The following FAM3C variants were observed in gnomAD, a reference collection of about 807,000 sequenced individuals.
FAM3C encodes protein FAM3C.
A neutral mutation model predicts 32.5 loss-of-function variants in FAM3C; 15 were observed. That is an observed-to-expected ratio of 0.46 (90% CI 0.31 to 0.71). The LOEUF is 0.71. FAM3C is among the 30% of genes least tolerant of loss of function. The pLI, the probability that FAM3C is intolerant of heterozygous loss-of-function variation, is 0.05. For synonymous variants in FAM3C, 75 were observed against 86.1 expected (o/e 0.87, Z 0.72); for missense variants, 175 against 274.4 (o/e 0.64, Z 2.56).
At chr7:121,358,067 T>A (rs1299118170) in intron 8 of FAM3C, among the ~76,000 whole-genome samples, 1 of 152,130 alleles carries the variant, frequency 6.6e-6, no homozygotes, top group South Asian at 2.1e-4. Flanking sequence ...CCTAATTACA[T>A]CCTGTTTCAT....
At chr7:121,377,366 G>T (rs1430926345) in intron 3 of FAM3C, among the ~76,000 whole-genome samples, 3 of 152,052 alleles carry the variant, frequency 2.0e-5, no homozygotes, top group Non-Finnish European at 2.9e-5. Context: ...ATTAAGCCTT[G>T]GGGATTTTTC....
chr7:121,350,861 T>C (rs937853367), intron 9 of FAM3C, among the ~76,000 whole-genome samples: 2 of 152,166 alleles, frequency 1.3e-5, no homozygotes, highest in Non-Finnish European at 2.9e-5. Flanking sequence ...AAAGCTCAAT[T>C]AAAATCCTTA....
chr7:121,386,774 T>TA (rs200013838), intron 1 of FAM3C, among the ~76,000 whole-genome samples: 1,554 of 151,724 alleles, frequency 0.01, 20 homozygotes, highest in Admixed American at 0.017. Flanking sequence ...GAACAGAATG[T>TA]AAAAAATTAA....
At chr7:121,361,203 T>C (rs1186434167) in intron 7 of FAM3C, among the ~76,000 whole-genome samples, 3 of 152,228 alleles carry the variant, frequency 2.0e-5, no homozygotes, top group Admixed American at 6.5e-5. Context: ...CTTGACATCT[T>C]GAACTCTTTA....
chr7:121,374,886 A>G (rs758204591), intron 3 of FAM3C, among the ~76,000 whole-genome samples: 3 of 152,226 alleles, frequency 2.0e-5, no homozygotes. Flanking sequence ...TACCAGTGAT[A>G]TTCCAACTAA....
chr7:121,350,701 C>CA, intron 9 of FAM3C, 151 bp from the exon 10 acceptor site: 1 of 769,574 alleles, frequency 1.3e-6, no homozygotes, highest in Admixed American at 2.7e-5. Context: ...GAGTGACCCT[C>CA]AGGCTGTATC....
chr7:121,350,996 A>C (rs902130189), intron 9 of FAM3C, 147 bp downstream of exon 9: 2 of 804,146 alleles, frequency 2.5e-6, no homozygotes, highest in Admixed American at 5.8e-5. Context: ...AGTTATTTCA[A>C]ATAACTGATT....
chr7:121,387,413 C>A (rs956501061), intron 1 of FAM3C, among the ~76,000 whole-genome samples: 1 of 152,136 alleles, frequency 6.6e-6, no homozygotes, highest in Non-Finnish European at 1.5e-5. Flanking sequence ...ATGGCTTTGA[C>A]AGGTCCTCTT....
At chr7:121,360,776 G>A (rs1268320107) in intron 7 of FAM3C, among the ~76,000 whole-genome samples, 4 of 152,012 alleles carry the variant, frequency 2.6e-5, no homozygotes, top group African/African-American at 7.2e-5. Flanking sequence ...TGGAGGTTGC[G>A]GTGAGCTGAG....
At chr7:121,351,365 G>T in intron 8 of FAM3C, 96 bp from the exon 9 acceptor site, 1 of 1,141,942 alleles carries the variant, frequency 8.8e-7, no homozygotes, top group Non-Finnish European at 1.2e-6. Context: ...GAGACAAAAT[G>T]AGACTTTAAA....
At chr7:121,390,851 G>GGT (rs1794560422) in intron 1 of FAM3C, among the ~76,000 whole-genome samples, 1 of 31,240 alleles carries the variant, frequency 3.2e-5, no homozygotes, top group African/African-American at 7.8e-5. Context: ...GGCTGTGTGG[G>GGT]GCGGGGGGGG....
intron 1 of FAM3C, among the ~76,000 whole-genome samples, chr7:121,386,752 A>C (rs1054879044): frequency 6.6e-6 from 1 of 151,788 alleles, no homozygotes; most frequent in African/African-American, 2.4e-5. Context: ...AGACTAATAC[A>C]GACCCCCTCA....
chr7:121,371,268 C>T (rs779625286), intron 5 of FAM3C, 32 bp downstream of exon 5: 5 of 1,608,412 alleles, frequency 3.1e-6, no homozygotes, highest in Middle Eastern at 4.4e-4. Context: ...TTTAATAGCA[C>T]ACCTTATCGT....
rs147098612 is a variant in FAM3C at position 121,383,577 on chromosome 7, T to C, written c.-41-567A>G. ...CGATTTAAGTTTGTAAAATAATATG[T>C]TAAGAAGTACAGAACTGCAATTTTA... On this transcript the variant is annotated intron_variant, in intron 1 of 9. Coordinates refer to ENST00000359943, the MANE Select transcript of FAM3C (RefSeq NM_014888.3). 1.7e-3 allele frequency among the ~76,000 whole-genome samples: 265 copies of C among 152,314 alleles called. 2 individuals carry two copies. In the East Asian group the frequency reaches 0.027, roughly 16 times the overall value.
rs1793642218 is a variant in FAM3C, at chr7:121,348,917, T to C, written c.*1544A>G. The C allele has an allele frequency of 1.3e-5, 2 of 152,292 alleles. No homozygotes were observed. The highest frequency in any genetic ancestry group is 6.6e-5 in the Admixed American group (1 of 15,254). The allele number at this position is 152,292 out of a possible 1,614,324, so 9.4% of individuals were successfully genotyped here. On this transcript the variant is annotated 3_prime_UTR_variant, in exon 10 of 10. Coordinates refer to ENST00000359943, the MANE Select transcript of FAM3C (RefSeq NM_014888.3). ...AAAAACTGCAACATTTATTTCACAA[T>C]CCCTGGAACTGTAAAATAACTATTC...
At chr7:121,375,876 T>C (rs1225738923) in intron 3 of FAM3C, among the ~76,000 whole-genome samples, 1 of 152,224 alleles carries the variant, frequency 6.6e-6, no homozygotes, top group Non-Finnish European at 1.5e-5. Flanking sequence ...TCACTGAACT[T>C]TCATCCAAGG....
rs748046331 is a variant in FAM3C, at chr7:121,371,301, C to T, written c.271G>A (p.Val91Ile). The T allele has an allele frequency of 3.7e-6, 6 of 1,612,650 alleles. No homozygotes were observed. Among genetic ancestry groups the T allele is most frequent in the East Asian group, 2.2e-5 (1 of 44,884 alleles). Residue 91 changes from valine to isoleucine, a missense_variant and splice_region_variant, in exon 5 of 10, where the codon GTT becomes ATT. Transcript: ENST00000359943. ...CGTCTCAAGTCAACAAAGACTTACA[C>T]ATTATCTTCCAGGCAGATTTTGGGT... ...VGPKICLEDN[V>I]LMSGVKNNVG... is the part of the protein sequence containing the mutation.
intron 2 of FAM3C, among the ~76,000 whole-genome samples, chr7:121,379,242 T>A (rs530849269): frequency 6.6e-6 from 1 of 152,296 alleles, no homozygotes; most frequent in African/African-American, 2.4e-5. Flanking sequence ...AAAGGACTGC[T>A]TGAACCATCT....
In FAM3C at chr7:121,390,854, G is replaced by T. The variant is rs554765786; in HGVS notation, c.-42+5308C>A. Among the ~76,000 whole-genome samples the T allele has an allele frequency of 2.0e-3, 31 of 15,770 alleles. 3 individuals carry two copies. Among genetic ancestry groups the T allele is most frequent in the African/African-American group, 4.0e-3 (15 of 3,788 alleles). 10.3% of individuals were successfully genotyped at this position (15,770 alleles called of 152,430 possible). A position where few individuals can be genotyped will look rare whatever the true frequency, so the allele number is the denominator to read the frequency against. ...ACACACAGGAAAGGCTGTGTGGGGC[G>T]GGGGGGGGGGGGGGGGGGAAGGTAA... On this transcript the variant is annotated intron_variant, in intron 1 of 9. Coordinates refer to ENST00000359943, the MANE Select transcript of FAM3C (RefSeq NM_014888.3).
Sources: gnomAD v4.1 joint callset for allele counts (sites outside exome capture counted in the v4.1 genomes callset) on GRCh38, gnomAD v4.1.1 for gene constraint, MANE v1.5 for transcripts, NCBI Gene and HGNC (gene_info 2026-07-23, HGNC 2026-07-21) for gene names.